The following KIF14 variants were observed in gnomAD, a reference collection of about 807,000 sequenced individuals.
The protein encoded by KIF14 is kinesin-like protein KIF14.
KIF14 carries 98 observed loss-of-function variants against 176.2 expected under a neutral mutation model. The ratio of observed to expected loss-of-function variants is 0.56; its 90% CI spans 0.47 to 0.66. The LOEUF (loss-of-function observed/expected upper bound fraction) is 0.66. Ranked by LOEUF, KIF14 falls within the 30% of genes least tolerant of loss-of-function variation. The pLI, the probability that KIF14 is intolerant of heterozygous loss-of-function variation, is 0.00. For missense variants in KIF14, 1,751 were observed against 1,920.4 expected, an observed-to-expected ratio of 0.91 and a Z score of 1.65; for synonymous variants, 566 against 632.2, an observed-to-expected ratio of 0.90 and a Z score of 1.57.
rs1659645892 is a variant in KIF14, at chr1:200,601,931, T to C, written c.2117A>G (p.Lys706Arg). ...NQARLIVNIAKVNEDMNAKLI... is the reference protein window; with the variant it reads ...NQARLIVNIARVNEDMNAKLI... ...CTTAGCGTTCATATCTTCATTTACT[T>C]TAGCAATGTTGACTATTAAACGGGC... is the stretch of plus-strand genomic sequence containing the variant. The change falls in exon 11 of 30, where the codon AAA (lysine) becomes AGA (arginine). Residue 706 changes from lysine (K) to arginine (R), a missense_variant. Coordinates refer to ENST00000367350, the MANE Select transcript of KIF14 (RefSeq NM_014875.3). 1.4e-5 allele frequency: 22 copies of C among 1,611,088 alleles called. No individual in the cohort carries two copies. Among genetic ancestry groups the C allele is most frequent in the Non-Finnish European group, 1.8e-5 (21 of 1,179,014 alleles).
At chr1:200,575,522 TACACACACACAC>T (rs35571944) in intron 22 of KIF14, 57 bp downstream of exon 22, 41 of 625,866 alleles carry the variant, frequency 6.6e-5, no homozygotes, top group Non-Finnish European at 1.0e-4. Context: ...ATATACAATT[TACACACACACAC>T]ACACACACAC....
chr1:200,604,231 A>C (rs771203202), intron 8 of KIF14, among the ~76,000 whole-genome samples: 6 of 151,948 alleles, frequency 3.9e-5, no homozygotes, highest in Non-Finnish European at 5.9e-5. Context: ...TACACCTGCT[A>C]CTTTTTTTTA....
intron 18 of KIF14, among the ~76,000 whole-genome samples, chr1:200,587,413 A>G (rs1658809783): frequency 6.6e-6 from 1 of 152,062 alleles, no homozygotes; most frequent in South Asian, 2.1e-4. Flanking sequence ...ACTGTTAAAA[A>G]AAAAAAGGCC....
chr1:200,562,525 T>C (rs1347979541), intron 25 of KIF14, among the ~76,000 whole-genome samples: 3 of 152,226 alleles, frequency 2.0e-5, no homozygotes, highest in Admixed American at 6.5e-5. Context: ...GTTTTTCAAG[T>C]GCCAGTAGTG....
intron 24 of KIF14, 50 bp from the exon 25 acceptor site, chr1:200,565,303 G>T (rs1331892479): frequency 4.0e-6 from 6 of 1,517,300 alleles, no homozygotes; most frequent in Admixed American, 2.1e-5. Flanking sequence ...CCAAATAAAA[G>T]AACTCATATA....
In KIF14 at chr1:200,589,375, A is replaced by G; in HGVS notation, c.2962-6T>C. 6.3e-7 allele frequency: 1 copy of G among 1,586,166 alleles called. No homozygotes were observed. Among genetic ancestry groups the G allele is most frequent in the Non-Finnish European group, 8.6e-7 (1 of 1,167,726 alleles). On this transcript the variant is annotated splice_region_variant and splice_polypyrimidine_tract_variant and intron_variant, in intron 17 of 29. Transcript: ENST00000367350. The stretch of plus-strand genomic sequence containing the variant: ...TTCCTTTGAGACTCTTCTCTCTTTA[A>G]AGAACAATAATAAAAAATATCTCAG...
chr1:200,617,006 C>T (rs1188006830), intron 2 of KIF14, among the ~76,000 whole-genome samples: 1 of 152,220 alleles, frequency 6.6e-6, no homozygotes. Context: ...CTCGTTCTGT[C>T]GCCCAGGCTG....
chr1:200,599,542 A>G (rs544450702), intron 13 of KIF14, among the ~76,000 whole-genome samples: 2 of 152,248 alleles, frequency 1.3e-5, no homozygotes, highest in African/African-American at 4.8e-5. Flanking sequence ...GTACTCCCCC[A>G]CTACCAATCA....
At chr1:200,610,417 G>A (rs1410970014) in intron 4 of KIF14, among the ~76,000 whole-genome samples, 1 of 149,638 alleles carries the variant, frequency 6.7e-6, no homozygotes, top group Non-Finnish European at 1.5e-5. Context: ...GGCTGAGGCA[G>A]AAGAATGGCA....
In KIF14 at chr1:200,552,271, T is replaced by C. The variant is rs1221404120; in HGVS notation, c.*1117A>G. On this transcript the variant is annotated 3_prime_UTR_variant, in exon 30 of 30. Transcript: ENST00000367350. ...ATACATACTCTTGAGGTCAAAAACG[T>C]CAAACTATTTCCGTAATGTAAGATC... The C allele has an allele frequency of 6.6e-6, 1 of 152,066 alleles. No homozygotes were observed. The highest frequency in any genetic ancestry group is 1.5e-5 in the Non-Finnish European group (1 of 67,998). 9.4% of individuals were successfully genotyped at this position (152,066 alleles called of 1,614,324 possible). A position where few individuals can be genotyped will look rare whatever the true frequency, so the allele number is the denominator to read the frequency against.
In KIF14 at chr1:200,565,239, G is replaced by A. The variant is rs756824898; in HGVS notation, c.3901C>T (p.Arg1301Ter). The change falls in exon 25 of 30, where the codon CGA becomes TGA. Residue 1301 changes from arginine to a stop codon, truncating the protein, a stop_gained. Transcript: ENST00000367350. LOFTEE classifies it high-confidence loss of function. Reference protein sequence around the residue: ...ESQDNLFSSDRAIQSLTIQTA... With the variant: ...ESQDNLFSSD ...TGAATAGTAAGTGACTGGATTGCTC[G>A]ATCAGAAGAAAACACTTTGAAAGAA... is the stretch of plus-strand genomic sequence containing the variant. The A allele has an allele frequency of 3.1e-6, 5 of 1,595,070 alleles. No individual in the cohort carries two copies. Among genetic ancestry groups the A allele is most frequent in the African/African-American group, 1.4e-5 (1 of 73,950 alleles).
intron 4 of KIF14, among the ~76,000 whole-genome samples, chr1:200,613,704 C>G (rs1343233787): frequency 1.3e-5 from 2 of 152,082 alleles, no homozygotes; most frequent in East Asian, 3.8e-4. Flanking sequence ...CATACACATA[C>G]ACATGCACAT....
intron 22 of KIF14, among the ~76,000 whole-genome samples, chr1:200,572,433 CT>C (rs1657847443): frequency 6.6e-6 from 1 of 152,184 alleles, no homozygotes; most frequent in African/African-American, 2.4e-5. Context: ...CAAGCTCTGC[CT>C]CCTGGGTTCA....
chr1:200,592,101 A>T lies in KIF14; in HGVS notation c.2792T>A (p.Leu931Ter). The change falls in exon 16 of 30, where the codon TTG becomes TAG. Residue 931 changes from leucine (L) to a stop codon, truncating the protein, a stop_gained. Coordinates refer to ENST00000367350, the MANE Select transcript of KIF14 (RefSeq NM_014875.3). LOFTEE classifies it high-confidence loss of function. The stretch of plus-strand genomic sequence containing the variant: ...TTACTGTGATCTCTGTGCCATGAGC[A>T]ACTCATTTTTTGCAAATTCAAAGTC... ...PKDFEFAKNE[L>*]LMAQRSQLEA... The T allele has an allele frequency of 6.2e-7, 1 of 1,613,520 alleles. No individual in the cohort carries two copies. Among genetic ancestry groups the T allele is most frequent in the East Asian group, 2.2e-5 (1 of 44,848 alleles).
At chr1:200,617,407 A>G (rs980167597) in intron 2 of KIF14, among the ~76,000 whole-genome samples, 1 of 152,268 alleles carries the variant, frequency 6.6e-6, no homozygotes, top group Admixed American at 6.5e-5. Context: ...TATACAAAAT[A>G]TGGTGATTCA....
At chr1:200,592,992 G>A (rs545138694) in intron 15 of KIF14, among the ~76,000 whole-genome samples, 15 of 152,202 alleles carry the variant, frequency 9.9e-5, no homozygotes, top group Middle Eastern at 3.4e-3. Flanking sequence ...GTCCCTCATT[G>A]CCCAAAACAT....
Position 200,565,465 on chromosome 1 carries a change from T to C in KIF14, c.3866A>G (p.Asp1289Gly), listed in dbSNP as rs904421543. 17 of 1,594,536 alleles carry C rather than the reference T, an allele frequency of 1.1e-5. No homozygotes were observed. Among genetic ancestry groups the C allele is most frequent in the African/African-American group, 8.1e-5 (6 of 73,624 alleles). Reference protein sequence around the residue: ...FAISKAHEEQDEESQDNLFSS... With the variant: ...FAISKAHEEQGEESQDNLFSS... Reference sequence around the variant, plus strand: ...CTTACAGTTATCTTGACTTTCTTCATCTTGTTCTTCATGAGCCTTGGAAAT... The same window carrying C: ...CTTACAGTTATCTTGACTTTCTTCACCTTGTTCTTCATGAGCCTTGGAAAT... The change falls in exon 24 of 30, where the codon GAT (aspartate) becomes GGT (glycine). Residue 1289 changes from aspartate (D) to glycine (G), a missense_variant. By Grantham distance (94) the Asp-to-Gly change is moderately conservative. Transcript: ENST00000367350.
Position 200,590,163 on chromosome 1 carries a change from C to T in KIF14, c.2923G>A (p.Ala975Thr). 1 of 1,611,748 alleles carries T rather than the reference C, an allele frequency of 6.2e-7. No homozygotes were observed. Among genetic ancestry groups the T allele is most frequent in the Non-Finnish European group, 8.5e-7 (1 of 1,179,426 alleles). Residue 975 changes from alanine (A) to threonine (T), a missense_variant, in exon 17 of 30, where the codon GCA becomes ACA. Physicochemically the swap from Ala to Thr is moderately conservative, Grantham distance 58. Transcript: ENST00000367350. ...AGTGCTTTTATTTTGCTTTCATATG[C>T]AGCTTTTTGAGAAGAAAGCTCTTGC... Reference protein sequence around the residue: ...AQQELSSQKAAYESKIKALEA... With the variant: ...AQQELSSQKATYESKIKALEA...
intron 19 of KIF14, among the ~76,000 whole-genome samples, chr1:200,584,346 A>C (rs892089010): frequency 1.7e-4 from 26 of 152,178 alleles, no homozygotes; most frequent in Non-Finnish European, 2.1e-4. Context: ...AACATTTCCA[A>C]TTCCTTTTGC....
Sources: allele counts gnomAD v4.1 joint callset (sites outside exome capture counted in the v4.1 genomes callset), GRCh38; gene constraint gnomAD v4.1.1; transcripts MANE v1.5; gene names NCBI Gene and HGNC (gene_info 2026-07-23, HGNC 2026-07-21).